ZNF354B: variants seen among roughly 807,000 people sequenced by gnomAD.
ZNF354B encodes the protein zinc finger protein 354B.
ZNF354B carries 10 observed loss-of-function variants against 12.9 expected under a neutral mutation model. The ratio of observed to expected loss-of-function variants is 0.77; its 90% CI spans 0.48 to 1.31. ZNF354B has a LOEUF of 1.31. Ranked by LOEUF, ZNF354B falls within the 40% of genes most tolerant of loss-of-function variation. The pLI is 0.00. For synonymous variants in ZNF354B, 260 were observed against 243.7 expected (o/e 1.07, Z -0.62); for missense variants, 614 against 711.7 (o/e 0.86, Z 1.56).
Position 178,883,314 on chromosome 5 carries a change from C to T in ZNF354B, c.862C>T (p.His288Tyr). 6.2e-7 allele frequency: 1 copy of T among 1,614,024 alleles called. No homozygotes were observed. ...AFSHSASLCK[H>Y]LRTHTVEKCY... ...CAGCCATAGTGCATCCCTTTGTAAG[C>T]ATTTAAGGACCCATACTGTGGAGAA... The change falls in exon 5 of 5, where the codon CAT becomes TAT. Residue 288 changes from histidine (H) to tyrosine (Y), a missense_variant. Physicochemically the swap from His to Tyr is moderately conservative, Grantham distance 83 (BLOSUM62 2). Transcript: ENST00000322434.
chr5:178,876,062 C>T (rs556392054), intron 4 of ZNF354B, among the ~76,000 whole-genome samples: 38 of 152,290 alleles, frequency 2.5e-4, no homozygotes, highest in African/African-American at 6.5e-4. Context: ...ACCAGTGTAG[C>T]GACCGGGCCC....
chr5:178,870,576 G>A (rs1005636548), intron 4 of ZNF354B, among the ~76,000 whole-genome samples: 9 of 151,844 alleles, frequency 5.9e-5, no homozygotes, highest in African/African-American at 1.7e-4. Context: ...CACCACACCC[G>A]GCCTGCTTTG....
At chr5:178,861,565 T>A (rs1261379285) in intron 2 of ZNF354B, among the ~76,000 whole-genome samples, 3 of 152,238 alleles carry the variant, frequency 2.0e-5, no homozygotes, top group African/African-American at 7.2e-5. Flanking sequence ...TGAAATCTAT[T>A]GTAGACCGTT....
chr5:178,871,072 C>G (rs796527358), intron 4 of ZNF354B, among the ~76,000 whole-genome samples: 9 of 152,200 alleles, frequency 5.9e-5, no homozygotes, highest in African/African-American at 2.2e-4. Context: ...TTCATAACTT[C>G]CAGAATTATC....
intron 4 of ZNF354B, among the ~76,000 whole-genome samples, chr5:178,871,466 C>T (rs1319860526): frequency 6.6e-6 from 1 of 152,226 alleles, no homozygotes; most frequent in Admixed American, 6.5e-5. Context: ...ATCTCCTCAC[C>T]GTGCTTTATT....
At position 178,883,893 on chromosome 5, in the gene ZNF354B, C is replaced by T; in HGVS notation, c.1441C>T (p.Leu481Phe). The change falls in exon 5 of 5, where the codon CTC becomes TTC. Residue 481 changes from leucine (L) to phenylalanine (F), a missense_variant. By Grantham distance (22) the Leu-to-Phe change is conservative (BLOSUM62 0). Transcript: ENST00000322434. ...AAAAGCCTTCAGACAGAGTTCCGCT[C>T]TCATTCAACATCAGAGAATGCATAC... The part of the protein sequence containing the change: ...CGKAFRQSSA[L>F]IQHQRMHTGE... The T allele has an allele frequency of 2.5e-6, 4 of 1,614,138 alleles. No individual in the cohort carries two copies. Among genetic ancestry groups the T allele is most frequent in the Non-Finnish European group, 3.4e-6 (4 of 1,180,000 alleles).
In ZNF354B at chr5:178,884,287, T is replaced by C. The variant is rs1425330169; in HGVS notation, c.1835T>C (p.Val612Ala). 2 of 1,575,992 alleles carry C rather than the reference T, an allele frequency of 1.3e-6. No individual in the cohort carries two copies. Among genetic ancestry groups the C allele is most frequent in the Non-Finnish European group, 1.7e-6 (2 of 1,163,862 alleles). ...EEDSLKADLH[V>A] ...GACTCCTTAAAAGCCGATTTGCATG[T>C]GTGAAAGCCTTAAACCAAAACTCAT... is the stretch of plus-strand genomic sequence containing the variant. The change falls in exon 5 of 5, where the codon GTG becomes GCG. Residue 612 changes from valine to alanine, a missense_variant. Coordinates refer to ENST00000322434, the MANE Select transcript of ZNF354B (RefSeq NM_058230.3).
chr5:178,880,831 ATTTT>A lies in ZNF354B; in HGVS notation c.257-1853_257-1850del, dbSNP rs56013359. On this transcript the variant is annotated intron_variant, in intron 4 of 4. Coordinates refer to ENST00000322434, the MANE Select transcript of ZNF354B (RefSeq NM_058230.3). ...TTTCAGTAGTTGTCAACTCATGGTCATTTTTTTTTTTTTTTTTTTTTTTTTTTTG... is the reference window on the plus strand; with the variant it reads ...TTTCAGTAGTTGTCAACTCATGGTCATTTTTTTTTTTTTTTTTTTTTTTTG... Among the ~76,000 whole-genome samples, 25 of 76,174 alleles carry A rather than the reference ATTTT, an allele frequency of 3.3e-4. 1 individual carries two copies. The highest frequency in any genetic ancestry group is 9.7e-4 in the African/African-American group (16 of 16,554). The allele number at this position is 76,174 out of a possible 152,430, so 50.0% of individuals were successfully genotyped here.
At chr5:178,868,366 A>T (rs1038784573) in intron 4 of ZNF354B, among the ~76,000 whole-genome samples, 18 of 147,574 alleles carry the variant, frequency 1.2e-4, no homozygotes, top group African/African-American at 4.6e-4. Flanking sequence ...CCATCGTGGC[A>T]GTGGGGGACT....
At chr5:178,871,052 ATCTCT>A (rs148100111) in intron 4 of ZNF354B, among the ~76,000 whole-genome samples, 3,151 of 152,122 alleles carry the variant, frequency 0.021, 44 homozygotes, top group African/African-American at 0.041. Context: ...TCCTACCAAC[ATCTCT>A]TCTCTTCATA....
chr5:178,879,022 A>G (rs1757680399), intron 4 of ZNF354B, among the ~76,000 whole-genome samples: 1 of 149,704 alleles, frequency 6.7e-6, no homozygotes, highest in Non-Finnish European at 1.5e-5. Flanking sequence ...TTTAAAGTAT[A>G]TATTTTTTAG....
intron 2 of ZNF354B, among the ~76,000 whole-genome samples, chr5:178,865,799 C>T (rs764697866): frequency 9.9e-5 from 15 of 151,938 alleles, no homozygotes; most frequent in African/African-American, 1.5e-4. Flanking sequence ...CAGGTAGTGC[C>T]GTAAGTTATT....
Position 178,882,917 on chromosome 5 carries a change from T to C in ZNF354B, c.465T>C (p.Asp155=), listed in dbSNP as rs537578811. ...SVAHTKILTV[D]RSHKNVEFGQ... ...CCCATACAAAAATCCTTACTGTAGA[T>C]AGAAGCCATAAAAATGTTGAATTTG... is the stretch of plus-strand genomic sequence containing the variant. The change falls in exon 5 of 5, where the codon GAT becomes GAC. Residue 155 remains aspartate (D), a synonymous_variant. Coordinates refer to ENST00000322434, the MANE Select transcript of ZNF354B (RefSeq NM_058230.3). 2 of 1,601,220 alleles carry C rather than the reference T, an allele frequency of 1.2e-6. No homozygotes were observed. Among genetic ancestry groups the C allele is most frequent in the East Asian group, 2.2e-5 (1 of 44,772 alleles).
chr5:178,884,051 A>C lies in ZNF354B; in HGVS notation c.1599A>C (p.Gln533His), dbSNP rs181265340. 1.2e-6 allele frequency: 2 copies of C among 1,614,114 alleles called. No individual in the cohort carries two copies. Among genetic ancestry groups the C allele is most frequent in the Non-Finnish European group, 1.7e-6 (2 of 1,179,974 alleles). The change falls in exon 5 of 5, where the codon CAA (glutamine) becomes CAC (histidine). Residue 533 changes from glutamine to histidine, a missense_variant. By Grantham distance (24) the Gln-to-His change is conservative. Transcript: ENST00000322434. The stretch of plus-strand genomic sequence containing the variant: ...TAGAATGTGGGATGTCTTTTGGCCA[A>C]AGTGCAGCTCTTATACAACATCAGA... ...RCLECGMSFG[Q>H]SAALIQHQRI...
chr5:178,877,475 T>C (rs1483496756), intron 4 of ZNF354B, among the ~76,000 whole-genome samples: 1 of 152,086 alleles, frequency 6.6e-6, no homozygotes, highest in African/African-American at 2.4e-5. Flanking sequence ...AATGTCCTTA[T>C]CCTTAATGTC....
In ZNF354B at chr5:178,870,101, C is replaced by A. The variant is rs962842790; in HGVS notation, c.256+3030C>A. ...CCAAGGTGGGAGGATCACTTGAGCC[C>A]AGGGGTTCGAGACCAACCTCGGTAA... On this transcript the variant is annotated intron_variant, in intron 4 of 4. Transcript: ENST00000322434. Among the ~76,000 whole-genome samples, 15 of 152,136 alleles carry A rather than the reference C, an allele frequency of 9.9e-5. No individual in the cohort carries two copies. In the South Asian group the frequency reaches 1.2e-3, roughly 13 times the overall value.
intron 2 of ZNF354B, among the ~76,000 whole-genome samples, chr5:178,865,907 G>A (rs990520463): frequency 1.3e-5 from 2 of 151,980 alleles, no homozygotes; most frequent in Admixed American, 6.6e-5. Context: ...TTTGTGCACT[G>A]TTTCTTACAG....
chr5:178,869,774 C>T (rs993466461), intron 4 of ZNF354B, among the ~76,000 whole-genome samples: 2 of 151,922 alleles, frequency 1.3e-5, no homozygotes, highest in Admixed American at 6.6e-5. Flanking sequence ...TGTTTCCTGC[C>T]CGATTGCTCT....
chr5:178,882,571 T>C, intron 4 of ZNF354B, 138 bp from the exon 5 acceptor site: 1 of 773,912 alleles, frequency 1.3e-6, no homozygotes, highest in Admixed American at 3.5e-5. Flanking sequence ...CATTATTTTA[T>C]ATAGTGTTTT....
Sources: allele counts gnomAD v4.1 joint callset (sites outside exome capture counted in the v4.1 genomes callset), GRCh38; gene constraint gnomAD v4.1.1; transcripts MANE v1.5; gene names NCBI Gene and HGNC (gene_info 2026-07-23, HGNC 2026-07-21).